REEP1: variants seen among roughly 807,000 people sequenced by gnomAD.
REEP1 encodes the protein receptor accessory protein 1.
A neutral mutation model predicts 40.3 loss-of-function variants in REEP1; 22 were observed. The observed-to-expected ratio is 0.55, with a 90% CI of 0.39 to 0.78. The LOEUF (loss-of-function observed/expected upper bound fraction) is 0.78, where lower values mean the gene tolerates loss of function less well. Ranked by LOEUF, REEP1 falls within the 30% of genes least tolerant of loss-of-function variation. REEP1 has a pLI of 0.00. For synonymous variants in REEP1, 116 were observed against 139.2 expected (o/e 0.83, Z 1.17); for missense variants, 280 against 361.1 (o/e 0.78, Z 1.82).
chr2:86,256,552 C>G (rs2104259062), intron 3 of REEP1, among the ~76,000 whole-genome samples: 1 of 152,128 alleles, frequency 6.6e-6, no homozygotes, highest in South Asian at 2.1e-4. Flanking sequence ...ATTATTCAAA[C>G]CAGCCAAGCC....
At chr2:86,233,317 C>T (rs561648929) in intron 5 of REEP1, among the ~76,000 whole-genome samples, 3 of 152,274 alleles carry the variant, frequency 2.0e-5, no homozygotes, top group Admixed American at 6.5e-5. Context: ...TGTTTGACAA[C>T]AGAAATTTCT....
chr2:86,236,943 C>A (rs1267579758), intron 5 of REEP1, among the ~76,000 whole-genome samples: 1 of 152,150 alleles, frequency 6.6e-6, no homozygotes, highest in Non-Finnish European at 1.5e-5. Context: ...ACCGTGTTAG[C>A]CAGGATGGTC....
At chr2:86,261,202 G>A (rs1676835026) in intron 3 of REEP1, among the ~76,000 whole-genome samples, 1 of 152,190 alleles carries the variant, frequency 6.6e-6, no homozygotes, top group South Asian at 2.1e-4. Flanking sequence ...GGTTAAGGAG[G>A]AAAGGCTGGA....
intron 1 of REEP1, among the ~76,000 whole-genome samples, chr2:86,304,428 C>A (rs1230540008): frequency 6.6e-6 from 1 of 152,168 alleles, no homozygotes; most frequent in East Asian, 1.9e-4. Context: ...ATCGCAGACT[C>A]TCAGGGTGGG....
rs115699128 is a variant in REEP1, at chr2:86,231,672, G to A, written c.595+953C>T. Among the ~76,000 whole-genome samples, 1,504 of 152,158 alleles carry A rather than the reference G, an allele frequency of 9.9e-3. 20 individuals carry two copies. The highest frequency in any genetic ancestry group is 0.027 in the Middle Eastern group (8 of 294). ...AGATTCCCACCCTTCTCACCACAGC[G>A]AGGCAGAAGTGGTGATCCAGAACCG... On this transcript the variant is annotated intron_variant, in intron 6 of 8. Coordinates refer to ENST00000538924, the MANE Select transcript of REEP1 (RefSeq NM_001371279.1).
intron 2 of REEP1, among the ~76,000 whole-genome samples, chr2:86,268,543 T>C (rs1429358782): frequency 3.3e-5 from 5 of 152,184 alleles, no homozygotes; most frequent in Non-Finnish European, 5.9e-5. Context: ...ATTGTCAAGA[T>C]GTCAGCTCTT....
At position 86,280,969 on chromosome 2, in the gene REEP1, C is replaced by T. The variant is rs190779618; in HGVS notation, c.105+1201G>A. On this transcript the variant is annotated intron_variant, in intron 2 of 8. Coordinates refer to ENST00000538924, the MANE Select transcript of REEP1 (RefSeq NM_001371279.1). Reference sequence around the variant, plus strand: ...AAAAGAGGCAAAGGCATGGCTATTACCCACCCCACTGTTCAGATGAGGACA... The same window carrying T: ...AAAAGAGGCAAAGGCATGGCTATTATCCACCCCACTGTTCAGATGAGGACA... 7.7e-4 allele frequency among the ~76,000 whole-genome samples: 117 copies of T among 152,314 alleles called. 1 individual carries two copies. Among genetic ancestry groups the T allele is most frequent in the Admixed American group, 6.5e-3 (100 of 15,300 alleles).
At chr2:86,291,727 G>A (rs1158622593) in intron 1 of REEP1, among the ~76,000 whole-genome samples, 1 of 152,058 alleles carries the variant, frequency 6.6e-6, no homozygotes, top group African/African-American at 2.4e-5. Context: ...CAGGCCTCCT[G>A]TCTCCACGTC....
In REEP1 at chr2:86,262,443, A is replaced by T. The variant is rs144430604; in HGVS notation, c.182+1522T>A. Among the ~76,000 whole-genome samples, 80 of 152,348 alleles carry T rather than the reference A, an allele frequency of 5.3e-4. No homozygotes were observed. In the East Asian group the frequency reaches 0.014, roughly 27 times the overall value. ...AGGGTGCGAAGGCACAAGCATATTGAATTAGGAAATCCATACTCCTTCACT... is the reference window on the plus strand; with the variant it reads ...AGGGTGCGAAGGCACAAGCATATTGTATTAGGAAATCCATACTCCTTCACT... On this transcript the variant is annotated intron_variant, in intron 3 of 8. Transcript: ENST00000538924.
upstream of REEP1, chr2:86,337,655 C>T (rs1454166098): frequency 1.9e-6 from 2 of 1,030,236 alleles, no homozygotes; most frequent in East Asian, 8.6e-5. This position sits in a 1 kb window ranked among gnomAD's most constrained non-coding sequence, Gnocchi z 5.8. Flanking sequence ...GCCCGGCGTT[C>T]GCGCGTTGGC....
intron 5 of REEP1, among the ~76,000 whole-genome samples, chr2:86,247,790 C>G (rs971612141): frequency 6.6e-6 from 1 of 151,964 alleles, no homozygotes; most frequent in Admixed American, 6.6e-5. Context: ...AGGCTAGTCT[C>G]GAACTCCTGG....
intron 1 of REEP1, among the ~76,000 whole-genome samples, chr2:86,329,972 G>T (rs1008947918): frequency 6.6e-6 from 1 of 152,208 alleles, no homozygotes; most frequent in African/African-American, 2.4e-5. Flanking sequence ...AGGCTTCATG[G>T]AGAAAGGTAG....
intron 1 of REEP1, among the ~76,000 whole-genome samples, chr2:86,302,211 C>T (rs1352778673): frequency 9.8e-5 from 15 of 152,370 alleles, no homozygotes; most frequent in Non-Finnish European, 2.9e-5. Flanking sequence ...GACAGGGAGG[C>T]TGAGAACACG....
At chr2:86,259,348 A>G (rs759341772) in intron 3 of REEP1, among the ~76,000 whole-genome samples, 2 of 151,524 alleles carry the variant, frequency 1.3e-5, no homozygotes, top group Non-Finnish European at 2.9e-5. Flanking sequence ...TATTGTTTCT[A>G]TTTCATTTTT....
chr2:86,224,746 C>T (rs1161706086), intron 7 of REEP1, among the ~76,000 whole-genome samples: 4 of 152,256 alleles, frequency 2.6e-5, no homozygotes, highest in Admixed American at 1.3e-4. Context: ...ATCCTGGACA[C>T]ACTCTTATGC....
chr2:86,218,797 A>G (rs1674261714), intron 8 of REEP1, among the ~76,000 whole-genome samples: 1 of 152,210 alleles, frequency 6.6e-6, no homozygotes, highest in Non-Finnish European at 1.5e-5. Flanking sequence ...AAGGAACCTG[A>G]TGAACTGCAC....
chr2:86,245,804 T>G (rs1285962834), intron 5 of REEP1, among the ~76,000 whole-genome samples: 1 of 150,178 alleles, frequency 6.7e-6, no homozygotes, highest in Admixed American at 6.7e-5. Flanking sequence ...TCACTCCGTC[T>G]CCCAGGCTGG....
At chr2:86,328,687 A>G (rs1680625240) in intron 1 of REEP1, among the ~76,000 whole-genome samples, 2 of 152,188 alleles carry the variant, frequency 1.3e-5, no homozygotes, top group Admixed American at 1.3e-4. Flanking sequence ...TAAAAAAGAA[A>G]AAAAAGAAAG....
chr2:86,298,186 G>T (rs1679076118), intron 1 of REEP1, among the ~76,000 whole-genome samples: 1 of 152,166 alleles, frequency 6.6e-6, no homozygotes, highest in South Asian at 2.1e-4. Context: ...GGGGAATGGT[G>T]GAATTCAAGG....
Sources: gnomAD v4.1 joint callset for allele counts (sites outside exome capture counted in the v4.1 genomes callset) on GRCh38, gnomAD v4.1.1 for gene constraint, Gnocchi (gnomAD v3.1) non-coding constraint, MANE v1.5 for transcripts, NCBI Gene and HGNC (gene_info 2026-07-23, HGNC 2026-07-21) for gene names.